Variants in KAZN observed in about 807,000 individuals in gnomAD.
The protein encoded by KAZN is kazrin, periplakin interacting protein, also known as kazrin.
KAZN carries 40 observed loss-of-function variants against 87.4 expected under a neutral mutation model. That is an observed-to-expected ratio of 0.46 (90% CI 0.36 to 0.60). The LOEUF is 0.60. Among genes scored for constraint, KAZN ranks in the 20% least tolerant of loss-of-function variants. KAZN has a pLI of 0.00. For missense variants in KAZN, 898 were observed against 1,073.9 expected, an observed-to-expected ratio of 0.84 and a Z score of 2.29; for synonymous variants, 466 against 458.3, an observed-to-expected ratio of 1.02 and a Z score of -0.22.
intron 1 of KAZN, among the ~76,000 whole-genome samples, chr1:13,979,103 A>AG (rs1263830466): frequency 2.0e-5 from 3 of 152,078 alleles, no homozygotes; most frequent in Admixed American, 1.3e-4. Context: ...CTCAAGAAAA[A>AG]AAAAAAAAGC....
intron 1 of KAZN, among the ~76,000 whole-genome samples, chr1:14,777,504 G>T (rs1405331426): frequency 6.6e-6 from 1 of 152,070 alleles, no homozygotes; most frequent in Admixed American, 6.5e-5. Flanking sequence ...TATGCCCCAT[G>T]CGACCCCCAC....
chr1:14,517,747 G>T (rs1400405460), intron 2 of KAZN, among the ~76,000 whole-genome samples: 1 of 152,234 alleles, frequency 6.6e-6, no homozygotes, highest in Admixed American at 6.5e-5. Flanking sequence ...CAGTTCTTTG[G>T]AACAGGATGC....
intron 2 of KAZN, among the ~76,000 whole-genome samples, chr1:14,376,175 G>A (rs951480719): frequency 3.9e-5 from 6 of 152,074 alleles, no homozygotes; most frequent in African/African-American, 1.4e-4. Flanking sequence ...AATCATCATC[G>A]AAAGTATGCA....
intron 2 of KAZN, among the ~76,000 whole-genome samples, chr1:14,219,320 T>C (rs1254049661): frequency 6.6e-6 from 1 of 152,114 alleles, no homozygotes; most frequent in Non-Finnish European, 1.5e-5. Context: ...AGAGGGTTTA[T>C]GAGGTGTCTG....
At chr1:14,638,702 G>C (rs1340318761) in intron 1 of KAZN, among the ~76,000 whole-genome samples, 1 of 152,154 alleles carries the variant, frequency 6.6e-6, no homozygotes, top group Non-Finnish European at 1.5e-5. Flanking sequence ...CTGAAGGATG[G>C]GATTGAGTGT....
chr1:14,843,529 G>A (rs868756273), intron 1 of KAZN, among the ~76,000 whole-genome samples: 7 of 152,334 alleles, frequency 4.6e-5, no homozygotes, highest in Middle Eastern at 3.4e-3. Flanking sequence ...CCTTTCTGCC[G>A]TGCCCTGATT....
At chr1:14,768,422 G>C (rs1178908393) in intron 1 of KAZN, among the ~76,000 whole-genome samples, 2 of 152,192 alleles carry the variant, frequency 1.3e-5, no homozygotes, top group South Asian at 4.1e-4. Context: ...GGAAACGGAG[G>C]CTTGGAGAGT....
chr1:14,722,965 T>G (rs1311526808), intron 1 of KAZN, among the ~76,000 whole-genome samples: 2 of 152,092 alleles, frequency 1.3e-5, no homozygotes, highest in South Asian at 2.1e-4. Flanking sequence ...TACAAAAAAT[T>G]TTTTTAAAAA....
chr1:15,042,988 G>A (rs1034476290), intron 3 of KAZN, among the ~76,000 whole-genome samples: 8 of 152,232 alleles, frequency 5.3e-5, no homozygotes, highest in South Asian at 4.1e-4. Context: ...TCACAGCCTC[G>A]ATTCAGCTGT....
chr1:13,982,190 G>A (rs1638755798), intron 1 of KAZN, among the ~76,000 whole-genome samples: 2 of 152,216 alleles, frequency 1.3e-5, no homozygotes, highest in South Asian at 2.1e-4. Context: ...GATCATGGAC[G>A]TGTTTTCCCT....
intron 1 of KAZN, among the ~76,000 whole-genome samples, chr1:14,135,003 ATG>A (rs1327888186): frequency 1.6e-5 from 1 of 62,790 alleles, no homozygotes; most frequent in Non-Finnish European, 3.4e-5. Flanking sequence ...ACACACACAC[ATG>A]TGCACACATG....
intron 1 of KAZN, among the ~76,000 whole-genome samples, chr1:14,026,864 ACAGT>A (rs1429465527): frequency 5.3e-5 from 8 of 152,148 alleles, no homozygotes; most frequent in African/African-American, 1.9e-4. Context: ...TGGATAGGAT[ACAGT>A]GGGTTCTGTG....
At chr1:14,343,728 T>TA (rs1294842291) in intron 2 of KAZN, among the ~76,000 whole-genome samples, 16 of 152,218 alleles carry the variant, frequency 1.1e-4, no homozygotes, top group African/African-American at 3.9e-4. Context: ...ATCGAATTTT[T>TA]AAAATCTCCC....
chr1:14,925,574 T>G (rs775588070), intron 1 of KAZN, among the ~76,000 whole-genome samples: 16 of 151,968 alleles, frequency 1.1e-4, no homozygotes, highest in Non-Finnish European at 2.2e-4. Context: ...GTTCCCAGAG[T>G]CCTAAATCAT....
At chr1:14,309,125 G>A (rs908568205) in intron 2 of KAZN, among the ~76,000 whole-genome samples, 3 of 152,284 alleles carry the variant, frequency 2.0e-5, no homozygotes, top group African/African-American at 7.2e-5. Flanking sequence ...GCAGCTGCCT[G>A]AAAGTTTCAG....
chr1:14,534,040 G>A (rs931714451), intron 2 of KAZN, among the ~76,000 whole-genome samples: 25 of 152,160 alleles, frequency 1.6e-4, no homozygotes, highest in Admixed American at 1.2e-3. Context: ...AGCCTAAACC[G>A]TCCTGGGGTT....
intron 2 of KAZN, among the ~76,000 whole-genome samples, chr1:14,411,356 G>A (rs745591585): frequency 3.3e-5 from 5 of 152,300 alleles, no homozygotes; most frequent in South Asian, 2.1e-4. Flanking sequence ...GTGCAGTGGC[G>A]TGATCACAGC....
chr1:14,518,722 C>T (rs911063408), intron 2 of KAZN, among the ~76,000 whole-genome samples: 5 of 152,212 alleles, frequency 3.3e-5, no homozygotes, highest in African/African-American at 1.2e-4. Flanking sequence ...CACTGTGTGT[C>T]CTCCATCAAG....
intron 1 of KAZN, chr1:14,924,361 C>A (rs1274021446): frequency 2.0e-6 from 2 of 988,756 alleles, no homozygotes; most frequent in South Asian, 4.5e-5. Flanking sequence ...CCCGGGCACC[C>A]GGCATGCGGG....
Sources: allele counts gnomAD v4.1 joint callset (sites outside exome capture counted in the v4.1 genomes callset), GRCh38; gene constraint gnomAD v4.1.1; transcripts MANE v1.5; gene names NCBI Gene and HGNC (gene_info 2026-07-23, HGNC 2026-07-21).